The following TRPC5 variants were observed in gnomAD, a reference collection of about 807,000 sequenced individuals.
TRPC5 encodes short transient receptor potential channel 5.
In TRPC5, 9 loss-of-function variants were observed where a neutral mutation model predicts 56.5. The observed-to-expected ratio is 0.16, with a 90% CI of 0.10 to 0.28. The LOEUF is 0.28. Among genes scored for constraint, TRPC5 ranks in the 10% least tolerant of loss-of-function variants. TRPC5 has a pLI of 1.00. For missense variants in TRPC5, 469 were observed against 748.9 expected (o/e 0.63, Z 4.36); for synonymous variants, 282 against 278.5 (o/e 1.01, Z -0.13).
At chrX:111,853,203 G>C (rs984864355) in intron 4 of TRPC5, among the ~76,000 whole-genome samples, 4 of 111,519 alleles carry the variant, frequency 3.6e-5, no homozygotes, top group African/African-American at 1.3e-4. Flanking sequence ...TGAGTAGCAA[G>C]GACTTAGAAG....
At chrX:111,899,371 T>C (rs1321594168) in intron 3 of TRPC5, among the ~76,000 whole-genome samples, 1 of 111,756 alleles carries the variant, frequency 8.9e-6, no homozygotes, top group African/African-American at 3.3e-5. Context: ...CAATAAAAAT[T>C]TGATGAATCA....
rs1473006095 is a variant in TRPC5, at chrX:111,771,036, G to T, written c.*5277C>A. 8.9e-6 allele frequency among the ~76,000 whole-genome samples: 1 copy of T among 111,828 alleles called. No individual in the cohort carries two copies. The highest frequency in any genetic ancestry group is 1.9e-5 in the Non-Finnish European group (1 of 53,162). ...AAATGGTGAAAATGACCTTCACGTT[G>T]CAAGTCATTCTAACCTACTTCAGTT... On this transcript the variant is annotated 3_prime_UTR_variant, in exon 11 of 11. Transcript: ENST00000262839.
intron 1 of TRPC5, among the ~76,000 whole-genome samples, chrX:112,078,689 C>G (rs995822069): frequency 8.9e-6 from 1 of 112,313 alleles, no homozygotes; most frequent in African/African-American, 3.2e-5. Context: ...CTTCACCCAG[C>G]AAATTGCAAT....
intron 1 of TRPC5, among the ~76,000 whole-genome samples, chrX:112,007,791 C>A (rs1928882002): frequency 1.8e-5 from 2 of 111,811 alleles, no homozygotes; most frequent in African/African-American, 6.5e-5. Context: ...AAGGGACTGA[C>A]TGGACCCAGA....
At chrX:111,817,473 C>A (rs1173320799) in intron 7 of TRPC5, among the ~76,000 whole-genome samples, 1 of 109,332 alleles carries the variant, frequency 9.1e-6, no homozygotes, top group Non-Finnish European at 1.9e-5. Context: ...TTCCAGGCGC[C>A]CATCACCACA....
intron 1 of TRPC5, among the ~76,000 whole-genome samples, chrX:112,050,461 T>G (rs1055763222): frequency 8.9e-6 from 1 of 112,497 alleles, no homozygotes; most frequent in Admixed American, 9.4e-5. Context: ...TAAATGTGTG[T>G]GTGACTTGAG....
chrX:111,768,444 C>A lies in TRPC5; in HGVS notation c.*7869G>T, dbSNP rs984691280. On this transcript the variant is annotated 3_prime_UTR_variant, in exon 11 of 11. Coordinates refer to ENST00000262839, the MANE Select transcript of TRPC5 (RefSeq NM_012471.3). ...AGAAAGAAACTCCCATCCCTAATTT[C>A]AACCCCATTTTTGAGAAATATGGAA... Among the ~76,000 whole-genome samples the A allele has an allele frequency of 2.7e-5, 3 of 111,952 alleles. No homozygotes were observed. The highest frequency in any genetic ancestry group is 9.7e-5 in the African/African-American group (3 of 30,844).
intron 3 of TRPC5, among the ~76,000 whole-genome samples, chrX:111,878,984 C>T (rs1029328169): frequency 8.9e-6 from 1 of 111,934 alleles, no homozygotes; most frequent in Admixed American, 9.5e-5. Flanking sequence ...TGAAACAATG[C>T]CAACATACTT....
At chrX:111,825,616 G>T (rs1922210531) in intron 7 of TRPC5, among the ~76,000 whole-genome samples, 1 of 111,426 alleles carries the variant, frequency 9.0e-6, no homozygotes, top group African/African-American at 3.3e-5. Flanking sequence ...GATGATGTAA[G>T]ATCTGACAAG....
chrX:111,854,996 T>C (rs1923184764), intron 3 of TRPC5, among the ~76,000 whole-genome samples: 1 of 112,068 alleles, frequency 8.9e-6, no homozygotes, highest in Admixed American at 9.5e-5. Flanking sequence ...CAGCTGCTAC[T>C]TCCTGGTAAG....
At chrX:111,840,525 G>A (rs371593008) in intron 6 of TRPC5, among the ~76,000 whole-genome samples, 30 of 112,007 alleles carry the variant, frequency 2.7e-4, no homozygotes, top group East Asian at 1.7e-3. Flanking sequence ...TTTGATCCAC[G>A]GATGATTGAA....
At chrX:111,805,716 C>T (rs1462841782) in intron 7 of TRPC5, among the ~76,000 whole-genome samples, 1 of 111,381 alleles carries the variant, frequency 9.0e-6, no homozygotes, top group African/African-American at 3.3e-5. Flanking sequence ...CTCTGTCACC[C>T]AGGCTGGAGT....
At chrX:112,036,367 A>G (rs761167055) in intron 1 of TRPC5, among the ~76,000 whole-genome samples, 25 of 112,213 alleles carry the variant, frequency 2.2e-4, no homozygotes, top group African/African-American at 8.1e-4. Context: ...GGTGAAATGA[A>G]GATGAGTGCC....
intron 2 of TRPC5, among the ~76,000 whole-genome samples, chrX:111,920,285 C>CA (rs930526829): frequency 1.3e-4 from 14 of 107,117 alleles, no homozygotes; most frequent in Admixed American, 2.9e-4. Context: ...AACAAAACAA[C>CA]AAAAAAAATG....
chrX:112,076,616 T>A (rs1930840963), intron 1 of TRPC5, among the ~76,000 whole-genome samples: 1 of 112,080 alleles, frequency 8.9e-6, no homozygotes, highest in East Asian at 2.8e-4. Context: ...ATTTTATAAT[T>A]TGTCCATCAA....
intron 1 of TRPC5, among the ~76,000 whole-genome samples, chrX:111,995,896 C>T (rs182767193): frequency 1.6e-3 from 177 of 109,350 alleles, no homozygotes; most frequent in African/African-American, 5.3e-3. Flanking sequence ...TGCTAGCGGT[C>T]TATCAATTTT....
chrX:111,776,276 T>A lies in TRPC5; in HGVS notation c.*37A>T, dbSNP rs373151680. Reference sequence around the variant, plus strand: ...CTCTGAGAGCAAGGAAATTACAGATTTCTGTTGAGTTCCAGAACAGATGAT... The same window carrying A: ...CTCTGAGAGCAAGGAAATTACAGATATCTGTTGAGTTCCAGAACAGATGAT... On this transcript the variant is annotated 3_prime_UTR_variant, in exon 11 of 11. Coordinates refer to ENST00000262839, the MANE Select transcript of TRPC5 (RefSeq NM_012471.3). The A allele has an allele frequency of 6.4e-6, 7 of 1,101,697 alleles. No individual in the cohort carries two copies. The Middle Eastern group carries it at 1.3e-3, about 207-fold the overall frequency. The allele number at this position is 1,101,697 out of a possible 1,213,427, so 90.8% of individuals were successfully genotyped here. A position where few individuals can be genotyped will look rare whatever the true frequency, so the allele number is the denominator to read the frequency against.
rs1050074191 is a variant in TRPC5 at position 111,774,521 on chromosome X, T to G, written c.*1792A>C. On this transcript the variant is annotated 3_prime_UTR_variant, in exon 11 of 11. Transcript: ENST00000262839. The stretch of plus-strand genomic sequence containing the variant: ...ACCACTTCAGATATGATCAAGGAAT[T>G]ATTTTCGGACAACCTCTTGCCAAAT... 9.0e-6 allele frequency: 1 copy of G among 111,483 alleles called. No individual in the cohort carries two copies. The highest frequency in any genetic ancestry group is 3.3e-5 in the African/African-American group (1 of 30,689). 9.2% of individuals were successfully genotyped at this position (111,483 alleles called of 1,213,427 possible).
intron 7 of TRPC5, among the ~76,000 whole-genome samples, chrX:111,825,170 T>TCTTC (rs1922168073): frequency 1.3e-5 from 1 of 77,692 alleles, no homozygotes; most frequent in Non-Finnish European, 2.3e-5. Context: ...TTTCTTTCTT[T>TCTTC]CTTTCTTTCT....
Sources: allele counts gnomAD v4.1 joint callset (sites outside exome capture counted in the v4.1 genomes callset), GRCh38; gene constraint gnomAD v4.1.1; transcripts MANE v1.5; gene names NCBI Gene and HGNC (gene_info 2026-07-23, HGNC 2026-07-21).